The following ADAMTSL1 variants were observed in gnomAD, a reference collection of about 807,000 sequenced individuals.
ADAMTSL1 encodes ADAMTS-like protein 1.
ADAMTSL1 carries 126 observed loss-of-function variants against 201.8 expected under a neutral mutation model. The ratio of observed to expected loss-of-function variants is 0.62; its 90% CI spans 0.54 to 0.72. ADAMTSL1 has a LOEUF of 0.72. Ranked by LOEUF, ADAMTSL1 falls within the 30% of genes least tolerant of loss-of-function variation. ADAMTSL1 has a pLI of 0.00. For missense variants in ADAMTSL1, 2,679 were observed against 2,277.8 expected (o/e 1.18, Z -3.59); for synonymous variants, 1,121 against 903.4 (o/e 1.24, Z -4.32).
chr9:18,882,179 A>C (rs376000001), intron 23 of ADAMTSL1, among the ~76,000 whole-genome samples: 11 of 152,324 alleles, frequency 7.2e-5, no homozygotes, highest in Admixed American at 5.9e-4. Context: ...ATCCTAAGGC[A>C]GTTGGGAAAA....
chr9:18,791,465 A>G (rs1162427479), intron 19 of ADAMTSL1, among the ~76,000 whole-genome samples: 2 of 152,210 alleles, frequency 1.3e-5, no homozygotes, highest in African/African-American at 4.8e-5. Flanking sequence ...TAATTACAAG[A>G]AGAAAGCACG....
chr9:18,677,053 C>T (rs1054043271), intron 10 of ADAMTSL1, among the ~76,000 whole-genome samples: 1 of 151,890 alleles, frequency 6.6e-6, no homozygotes, highest in African/African-American at 2.4e-5. Flanking sequence ...ACACATCTAT[C>T]GATGTTTATA....
At chr9:17,988,772 A>G (rs1351078379) in intron 1 of ADAMTSL1, among the ~76,000 whole-genome samples, 1 of 151,994 alleles carries the variant, frequency 6.6e-6, no homozygotes, top group Non-Finnish European at 1.5e-5. Context: ...GACAATATAC[A>G]TAGTGAACGT....
chr9:18,032,273 C>G (rs1360256581), intron 1 of ADAMTSL1, among the ~76,000 whole-genome samples: 1 of 152,150 alleles, frequency 6.6e-6, no homozygotes, highest in African/African-American at 2.4e-5. Flanking sequence ...CCTCCTCTGC[C>G]CAAGCTCTGG....
intron 1 of ADAMTSL1, among the ~76,000 whole-genome samples, chr9:18,495,841 T>G (rs973806779): frequency 3.3e-5 from 5 of 152,198 alleles, no homozygotes; most frequent in African/African-American, 1.2e-4. Context: ...CAATTTTAAG[T>G]GACTGGATAT....
chr9:18,309,343 C>G (rs915266254), intron 2 of ADAMTSL1, among the ~76,000 whole-genome samples: 1 of 152,066 alleles, frequency 6.6e-6, no homozygotes, highest in Non-Finnish European at 1.5e-5. Context: ...CCAGGGCAAT[C>G]AGGCAAGAGA....
At chr9:18,074,245 C>T (rs1360187408) in intron 1 of ADAMTSL1, among the ~76,000 whole-genome samples, 2 of 152,110 alleles carry the variant, frequency 1.3e-5, no homozygotes, top group Non-Finnish European at 2.9e-5. Flanking sequence ...TGCTCAGCTT[C>T]TGTGGTCATT....
intron 2 of ADAMTSL1, among the ~76,000 whole-genome samples, chr9:18,314,706 G>A (rs1029112370): frequency 2.0e-5 from 3 of 149,272 alleles, no homozygotes; most frequent in South Asian, 2.2e-4. Context: ...GGTTTATCTC[G>A]AAGAGCAAAA....
At chr9:18,426,406 A>G (rs1819224426) in intron 2 of ADAMTSL1, among the ~76,000 whole-genome samples, 1 of 152,198 alleles carries the variant, frequency 6.6e-6, no homozygotes, top group African/African-American at 2.4e-5. Context: ...TTCCCTAAGT[A>G]TAAGAAAAGA....
rs529768120 is a variant in ADAMTSL1, at chr9:17,985,899, C to T, written c.87+78977C>T. 1.5e-4 allele frequency among the ~76,000 whole-genome samples: 23 copies of T among 152,192 alleles called. 1 individual carries two copies. In the South Asian group the frequency reaches 2.3e-3, roughly 15 times the overall value. ...ATTGATACCTGGAGAATCTGAAATG[C>T]GTTGGCTATGACAAGCCAGAATCCT... On this transcript the variant is annotated intron_variant, in intron 1 of 29. Transcript: ENST00000680146.
rs185682446 is a variant in ADAMTSL1 at position 18,182,208 on chromosome 9, C to A, written c.207+18227C>A. On this transcript the variant is annotated intron_variant, in intron 2 of 29. Transcript: ENST00000680146. ...ATGCTAGATGACGAGTTAGTGGGTG[C>A]AGCGCACCAGCATGTCACATGTATA... 1.9e-3 allele frequency among the ~76,000 whole-genome samples: 292 copies of A among 150,958 alleles called. 1 individual carries two copies. The highest frequency in any genetic ancestry group is 6.3e-3 in the African/African-American group (260 of 41,032).
intron 5 of ADAMTSL1, among the ~76,000 whole-genome samples, chr9:18,627,231 C>G (rs1826447415): frequency 1.3e-5 from 2 of 152,140 alleles, no homozygotes; most frequent in Non-Finnish European, 2.9e-5. Context: ...ATCTGCCCAC[C>G]TCAACCTCCC....
At chr9:18,892,255 T>C in intron 25 of ADAMTSL1, 134 bp from the exon 26 acceptor site, 1 of 814,288 alleles carries the variant, frequency 1.2e-6, no homozygotes, top group East Asian at 2.7e-5. Flanking sequence ...ATCAATCATC[T>C]TTCCAAGTAA....
intron 23 of ADAMTSL1, among the ~76,000 whole-genome samples, chr9:18,867,928 A>G (rs1434733090): frequency 1.3e-5 from 2 of 152,196 alleles, no homozygotes; most frequent in Non-Finnish European, 1.5e-5. Context: ...GCCTGGCTGA[A>G]ATACATACAT....
intron 1 of ADAMTSL1, among the ~76,000 whole-genome samples, chr9:17,950,790 A>G (rs1827703942): frequency 6.6e-6 from 1 of 152,168 alleles, no homozygotes; most frequent in South Asian, 2.1e-4. Flanking sequence ...AGAATTTAAT[A>G]AAAGGACTGT....
At position 18,657,753 on chromosome 9, in the gene ADAMTSL1, A is replaced by T; in HGVS notation, c.946+3A>T. 1 of 1,608,648 alleles carries T rather than the reference A, an allele frequency of 6.2e-7. No homozygotes were observed. Among genetic ancestry groups the T allele is most frequent in the Non-Finnish European group, 8.5e-7 (1 of 1,175,016 alleles). On this transcript the variant is annotated splice_donor_region_variant and intron_variant, in intron 8 of 28. Transcript: ENST00000380548. ...TTGCTCAGCAACCTGTGGAGGAGGT[A>T]ATGGTGTTCACTTAGTCTAAAAACT...
At chr9:18,044,606 A>T (rs1380092517) in intron 1 of ADAMTSL1, among the ~76,000 whole-genome samples, 1 of 152,204 alleles carries the variant, frequency 6.6e-6, no homozygotes, top group African/African-American at 2.4e-5. Context: ...GTGTGAAAAG[A>T]TTCAAAGATA....
At chr9:18,396,378 G>T (rs1243815122) in intron 2 of ADAMTSL1, among the ~76,000 whole-genome samples, 1 of 151,696 alleles carries the variant, frequency 6.6e-6, no homozygotes, top group Non-Finnish European at 1.5e-5. Context: ...TAAAATCTAA[G>T]TCTCTTGTGC....
intron 1 of ADAMTSL1, among the ~76,000 whole-genome samples, chr9:18,045,864 CT>C (rs2131646895): frequency 6.6e-6 from 1 of 152,136 alleles, no homozygotes; most frequent in Non-Finnish European, 1.5e-5. Context: ...ACATTTTCAT[CT>C]CAATTGACAA....
Sources: allele counts gnomAD v4.1 joint callset (sites outside exome capture counted in the v4.1 genomes callset), GRCh38; gene constraint gnomAD v4.1.1; transcripts MANE v1.5; gene names NCBI Gene and HGNC (gene_info 2026-07-23, HGNC 2026-07-21).